The following PLXDC2 variants were observed in gnomAD, a reference collection of about 807,000 sequenced individuals.
PLXDC2 encodes the protein plexin domain-containing protein 2.
A neutral mutation model predicts 68.9 loss-of-function variants in PLXDC2; 40 were observed. The observed-to-expected ratio is 0.58, with a 90% CI of 0.45 to 0.76. The LOEUF (loss-of-function observed/expected upper bound fraction) is 0.76, where lower values mean the gene tolerates loss of function less well. Among genes scored for constraint, PLXDC2 ranks in the 30% least tolerant of loss-of-function variants. The pLI is 0.00. For missense variants in PLXDC2, 644 were observed against 661.9 expected, an observed-to-expected ratio of 0.97 and a Z score of 0.30; for synonymous variants, 243 against 234.2, an observed-to-expected ratio of 1.04 and a Z score of -0.34.
rs138809645 is a variant in PLXDC2, at chr10:20,173,988, A to G, written c.884-3011A>G. Among the ~76,000 whole-genome samples, 8 of 152,320 alleles carry G rather than the reference A, an allele frequency of 5.3e-5. No individual in the cohort carries two copies. In the East Asian group the frequency reaches 1.5e-3, roughly 29 times the overall value. On this transcript the variant is annotated intron_variant, in intron 7 of 13. Transcript: ENST00000377252. The stretch of plus-strand genomic sequence containing the variant: ...GCAGGTAATAGAACTAGCATAGCAA[A>G]AAATGGTCACACTTTCTCTTTACTC...
At chr10:20,233,341 C>T (rs1375177539) in intron 12 of PLXDC2, among the ~76,000 whole-genome samples, 2 of 145,698 alleles carry the variant, frequency 1.4e-5, no homozygotes, top group Non-Finnish European at 3.0e-5. Flanking sequence ...GCCTGGGCAA[C>T]ATAGTGAGAT....
intron 6 of PLXDC2, among the ~76,000 whole-genome samples, chr10:20,152,806 G>C (rs1310124320): frequency 6.6e-6 from 1 of 151,942 alleles, no homozygotes; most frequent in South Asian, 2.1e-4. Flanking sequence ...ATATTTCTTT[G>C]CATGCTAGGT....
In PLXDC2 at chr10:19,915,159, A is replaced by G. The variant is rs569219993; in HGVS notation, c.113-86616A>G. On this transcript the variant is annotated intron_variant, in intron 1 of 13. Transcript: ENST00000377252. ...GTTAAGGCTCAACTCTGCCATTTTA[A>G]TATTTGTTTTCTGTTTGTTTTCCTT... Among the ~76,000 whole-genome samples the G allele has an allele frequency of 3.3e-5, 5 of 152,148 alleles. No homozygotes were observed. The East Asian group carries it at 9.7e-4, about 29-fold the overall frequency.
chr10:20,218,436 C>T (rs866455210), intron 11 of PLXDC2, among the ~76,000 whole-genome samples: 3 of 152,096 alleles, frequency 2.0e-5, no homozygotes, highest in Admixed American at 6.6e-5. Context: ...TTAAAAGCAA[C>T]ATTATCTTTT....
chr10:19,866,604 G>T (rs1837421172), intron 1 of PLXDC2, among the ~76,000 whole-genome samples: 2 of 152,030 alleles, frequency 1.3e-5, no homozygotes, highest in Non-Finnish European at 2.9e-5. Flanking sequence ...ACTGATACGG[G>T]GTTCATTCAC....
chr10:20,225,559 G>A (rs1455659076), intron 12 of PLXDC2, among the ~76,000 whole-genome samples: 2 of 152,064 alleles, frequency 1.3e-5, no homozygotes, highest in African/African-American at 4.8e-5. Flanking sequence ...CCTATTCTAA[G>A]TATATATGTA....
intron 1 of PLXDC2, among the ~76,000 whole-genome samples, chr10:19,969,213 AGAAGG>A (rs1234914195): frequency 2.6e-5 from 4 of 152,204 alleles, no homozygotes; most frequent in East Asian, 3.8e-4. Context: ...CTATACTGCT[AGAAGG>A]TTTCTCTGTT....
At chr10:19,923,806 G>A (rs1028422288) in intron 1 of PLXDC2, among the ~76,000 whole-genome samples, 2 of 152,192 alleles carry the variant, frequency 1.3e-5, no homozygotes, top group Non-Finnish European at 2.9e-5. Context: ...GCTCATGCCT[G>A]TAATCCCAGC....
At chr10:20,197,377 GA>G (rs1834854146) in intron 9 of PLXDC2, among the ~76,000 whole-genome samples, 1 of 152,012 alleles carries the variant, frequency 6.6e-6, no homozygotes, top group African/African-American at 2.4e-5. Context: ...TTGTTTGTTT[GA>G]AGGAGTCTTG....
At chr10:20,110,721 A>G (rs1479151783) in intron 4 of PLXDC2, among the ~76,000 whole-genome samples, 1 of 152,172 alleles carries the variant, frequency 6.6e-6, no homozygotes, top group African/African-American at 2.4e-5. Context: ...GGATTGGGGA[A>G]TCAGCATCTC....
chr10:20,225,202 G>C (rs1835269713), intron 12 of PLXDC2, among the ~76,000 whole-genome samples: 1 of 152,048 alleles, frequency 6.6e-6, no homozygotes, highest in African/African-American at 2.4e-5. Context: ...TAAAATTTTA[G>C]AACATTATTC....
chr10:20,142,518 A>G (rs991476920), intron 4 of PLXDC2, among the ~76,000 whole-genome samples: 1 of 152,150 alleles, frequency 6.6e-6, no homozygotes, highest in Non-Finnish European at 1.5e-5. Context: ...CCTAGTGTGA[A>G]TAATTGAAAG....
At chr10:19,937,642 C>T (rs1193085169) in intron 1 of PLXDC2, among the ~76,000 whole-genome samples, 1 of 147,072 alleles carries the variant, frequency 6.8e-6, no homozygotes. Flanking sequence ...CCCAACATAA[C>T]TTTTCTGGCG....
intron 1 of PLXDC2, among the ~76,000 whole-genome samples, chr10:19,910,388 TCTTCACAA>T (rs2131373553): frequency 6.6e-6 from 1 of 151,926 alleles, no homozygotes; most frequent in African/African-American, 2.4e-5. Context: ...TCTCATTTAA[TCTTCACAA>T]CTCAATAAAG....
At chr10:20,053,034 G>A (rs1035583087) in intron 3 of PLXDC2, among the ~76,000 whole-genome samples, 2 of 152,220 alleles carry the variant, frequency 1.3e-5, no homozygotes, top group Middle Eastern at 3.4e-3. Flanking sequence ...TGGAAGAGGA[G>A]GAGGATGGAA....
intron 1 of PLXDC2, among the ~76,000 whole-genome samples, chr10:19,839,971 C>G (rs1836873355): frequency 1.3e-5 from 2 of 152,252 alleles, no homozygotes; most frequent in African/African-American, 4.8e-5. Flanking sequence ...TTTTAAATCA[C>G]TTCTTGATAA....
intron 10 of PLXDC2, among the ~76,000 whole-genome samples, chr10:20,212,223 T>C (rs10508619): frequency 0.17 from 26,236 of 152,010 alleles, 2,884 homozygotes; most frequent in Non-Finnish European, 0.26. Context: ...ACGAAACCAT[T>C]GTTCCTCTTT....
At chr10:19,883,042 C>T (rs966251965) in intron 1 of PLXDC2, among the ~76,000 whole-genome samples, 2 of 151,016 alleles carry the variant, frequency 1.3e-5, no homozygotes, top group South Asian at 2.1e-4. Flanking sequence ...CTACAAGCTC[C>T]GCCTCCCGGG....
chr10:20,044,466 C>T (rs1234426000), intron 2 of PLXDC2, among the ~76,000 whole-genome samples: 2 of 151,674 alleles, frequency 1.3e-5, no homozygotes, highest in Non-Finnish European at 2.9e-5. Flanking sequence ...TCTGCCATCA[C>T]GCCTGGCTAT....
Sources: gnomAD v4.1 joint callset for allele counts (sites outside exome capture counted in the v4.1 genomes callset) on GRCh38, gnomAD v4.1.1 for gene constraint, MANE v1.5 for transcripts, NCBI Gene and HGNC (gene_info 2026-07-23, HGNC 2026-07-21) for gene names.